GARS1: variants seen among roughly 807,000 people sequenced by gnomAD.
GARS1 encodes glycyl-tRNA synthetase 1.
Under a neutral mutation model 86.4 loss-of-function variants are expected in GARS1, and 46 were observed. That is an observed-to-expected ratio of 0.53 (90% confidence interval 0.42 to 0.68). The LOEUF is 0.68. GARS1 is among the 30% of genes least tolerant of loss of function. The pLI, the probability that GARS1 is intolerant of heterozygous loss-of-function variation, is 0.00. For missense variants in GARS1, 797 were observed against 915.6 expected (o/e 0.87, Z 1.67); for synonymous variants, 342 against 329.8 (o/e 1.04, Z -0.40).
In GARS1 at chr7:30,615,926, T is replaced by C. The variant is rs11553502; in HGVS notation, c.1062T>C (p.Phe354=). 0.031 allele frequency: 50,249 copies of C among 1,614,144 alleles called. 913 individuals are homozygous for C. Among genetic ancestry groups the C allele is most frequent in the African/African-American group, 0.071 (5,318 of 75,018 alleles). ...TCACAATGGCAGAAATTGAGCACTT[T>C]GTAGATCCCAGTGAGAAAGACCACC... ...REFTMAEIEH[F]VDPSEKDHPK... The change falls in exon 9 of 17, where the codon TTT becomes TTC. Residue 354 remains phenylalanine, a synonymous_variant. Coordinates refer to ENST00000389266, the MANE Select transcript of GARS1 (RefSeq NM_002047.4).
chr7:30,628,539 G>T lies in GARS1; in HGVS notation c.1700-21G>T. 3 of 1,513,274 alleles carry T rather than the reference G, an allele frequency of 2.0e-6. No homozygotes were observed. The South Asian group carries it at 3.4e-5, about 17-fold the overall frequency. 93.7% of individuals were successfully genotyped at this position (1,513,274 alleles called of 1,614,324 possible). Reference sequence around the variant, plus strand: ...ATGTGGTATTTGAGAGAATGTTATTGAATTTCTATCTCTTTTTCAGTGGAA... The same window carrying T: ...ATGTGGTATTTGAGAGAATGTTATTTAATTTCTATCTCTTTTTCAGTGGAA... On this transcript the variant is annotated intron_variant, in intron 13 of 16. Coordinates refer to ENST00000389266, the MANE Select transcript of GARS1 (RefSeq NM_002047.4).
chr7:30,598,948 A>T (rs377155080), intron 2 of GARS1, 51 bp downstream of exon 2: 45 of 1,409,134 alleles, frequency 3.2e-5, no homozygotes, highest in Non-Finnish European at 4.5e-5. Context: ...AGGATTGTTC[A>T]TCTTTAATTT....
At chr7:30,594,877 C>T (rs903029869), upstream of GARS1, 82 of 1,480,052 alleles carry the variant, frequency 5.5e-5, no homozygotes, top group Non-Finnish European at 6.8e-5. Context: ...CGGCGCGCGC[C>T]GCTTCCGTCG....
At chr7:30,618,463 G>A (rs1264254506) in intron 10 of GARS1, among the ~76,000 whole-genome samples, 2 of 152,068 alleles carry the variant, frequency 1.3e-5, no homozygotes, top group Non-Finnish European at 2.9e-5. Flanking sequence ...GCAAGACCCT[G>A]TCTCTACAAA....
At chr7:30,612,579 T>TG (rs1782785312) in intron 8 of GARS1, among the ~76,000 whole-genome samples, 1 of 124,524 alleles carries the variant, frequency 8.0e-6, no homozygotes, top group African/African-American at 3.0e-5. Context: ...ATACTGGCAA[T>TG]GGTGATGTGT....
intron 10 of GARS1, among the ~76,000 whole-genome samples, chr7:30,619,359 G>A (rs1782951681): frequency 6.6e-6 from 1 of 152,184 alleles, no homozygotes; most frequent in African/African-American, 2.4e-5. Flanking sequence ...CTCCCTTAGA[G>A]AGTTTAATAC....
In GARS1 at chr7:30,615,319, G is replaced by A. The variant is rs143565794; in HGVS notation, c.1032-577G>A. Among the ~76,000 whole-genome samples, 85 of 152,216 alleles carry A rather than the reference G, an allele frequency of 5.6e-4. 1 individual carries two copies. Among genetic ancestry groups the A allele is most frequent in the African/African-American group, 2.0e-3 (82 of 41,550 alleles). ...GAAAGCTAAAGAACCATTTCATTTC[G>A]CTTTTAATTTCCCATTCTTTGAAAT... On this transcript the variant is annotated intron_variant, in intron 8 of 16. Transcript: ENST00000389266.
At position 30,621,621 on chromosome 7, in the gene GARS1, G is replaced by A. The variant is rs146685777; in HGVS notation, c.1467+121G>A. On this transcript the variant is annotated intron_variant, in intron 11 of 16. Coordinates refer to ENST00000389266, the MANE Select transcript of GARS1 (RefSeq NM_002047.4). ...GAGATGTTTTAGACACTGTAGTAAC[G>A]CTTGTTTAAACCTATTATTTTACCT... The A allele has an allele frequency of 9.8e-3, 7,910 of 804,738 alleles. 64 individuals are homozygous for A. Among genetic ancestry groups the A allele is most frequent in the Non-Finnish European group, 0.012 (5,614 of 453,692 alleles). The allele number at this position is 804,738 out of a possible 1,614,324, so 49.8% of individuals were successfully genotyped here.
At chr7:30,609,854 A>G (rs1441942143) in intron 7 of GARS1, 124 bp downstream of exon 7, 1 of 765,460 alleles carries the variant, frequency 1.3e-6, no homozygotes, top group Non-Finnish European at 2.2e-6. Flanking sequence ...AGTACAGATG[A>G]ATGTATTATG....
At chr7:30,608,525 C>T (rs1201729491) in intron 6 of GARS1, among the ~76,000 whole-genome samples, 2 of 152,136 alleles carry the variant, frequency 1.3e-5, no homozygotes, top group African/African-American at 4.8e-5. Flanking sequence ...CCTAGAAATT[C>T]TGTAGAAATA....
intron 10 of GARS1, among the ~76,000 whole-genome samples, chr7:30,620,159 A>G (rs1163223990): frequency 6.6e-6 from 1 of 152,052 alleles, no homozygotes; most frequent in Non-Finnish European, 1.5e-5. Context: ...CTTGAGAAGG[A>G]CTAACTAGGT....
chr7:30,600,294 A>G (rs1245643082), intron 3 of GARS1, among the ~76,000 whole-genome samples: 1 of 152,140 alleles, frequency 6.6e-6, no homozygotes, highest in Non-Finnish European at 1.5e-5. Flanking sequence ...AGGCCCATGT[A>G]TGTATTTGAT....
At chr7:30,599,916 A>G (rs771664712) in intron 2 of GARS1, 31 bp from the exon 3 acceptor site, 2 of 1,287,096 alleles carry the variant, frequency 1.6e-6, no homozygotes, top group Non-Finnish European at 2.3e-6. Context: ...CCACCCCTCC[A>G]CTCACTCACT....
At position 30,626,334 on chromosome 7, in the gene GARS1, A is replaced by G. The variant is rs1433616752; in HGVS notation, c.1699+15A>G. 4 of 1,454,320 alleles carry G rather than the reference A, an allele frequency of 2.8e-6. No homozygotes were observed. In the South Asian group the frequency reaches 4.6e-5, roughly 17 times the overall value. 90.1% of individuals were successfully genotyped at this position (1,454,320 alleles called of 1,614,324 possible). A position where few individuals can be genotyped will look rare whatever the true frequency, so the allele number is the denominator to read the frequency against. On this transcript the variant is annotated intron_variant, in intron 13 of 16. Transcript: ENST00000389266. ...AACACTATATGGTAAATTTGTAAAAATAATAAACAAAAAGTCACTGCTCCT... is the reference window on the plus strand; with the variant it reads ...AACACTATATGGTAAATTTGTAAAAGTAATAAACAAAAAGTCACTGCTCCT...
intron 9 of GARS1, 69 bp from the exon 10 acceptor site, chr7:30,617,045 T>A (rs1307957086): frequency 6.6e-7 from 1 of 1,507,720 alleles, no homozygotes; most frequent in East Asian, 2.3e-5. Context: ...GAAACCGATA[T>A]CTTGGCTTTG....
At chr7:30,622,176 GC>G in intron 11 of GARS1, 140 bp from the exon 12 acceptor site, 1 of 935,526 alleles carries the variant, frequency 1.1e-6, no homozygotes, top group Non-Finnish European at 1.7e-6. Flanking sequence ...GTTTCATCTT[GC>G]CTTAAAATCA....
Position 30,617,233 on chromosome 7 carries a change from C to T in GARS1, c.1314C>T (p.Ala438=). Residue 438 remains alanine (A), a synonymous_variant, in exon 10 of 17, where the codon GCC becomes GCT. Transcript: ENST00000389266. The part of the protein sequence containing the change: ...RFRQHMENEM[A]HYACDCWDAE... ...GGCAGCACATGGAGAATGAGATGGC[C>T]CATTATGCCTGTGACTGTTGGGATG... 1 of 1,613,882 alleles carries T rather than the reference C, an allele frequency of 6.2e-7. No individual in the cohort carries two copies. The highest frequency in any genetic ancestry group is 8.5e-7 in the Non-Finnish European group (1 of 1,179,868).
Position 30,599,958 on chromosome 7 carries a change from A to G in GARS1, c.336A>G (p.Leu112=). ...TTAATCTCTAACAGGAGCTGGCGTT[A>G]CAGCCCAAAGATGATATTGTAGACC... The part of the protein sequence containing the change: ...KRVLEAKELA[L]QPKDDIVDRA... Residue 112 remains leucine, a synonymous_variant, in exon 3 of 17, where the codon TTA becomes TTG. Transcript: ENST00000389266. 1 of 1,612,312 alleles carries G rather than the reference A, an allele frequency of 6.2e-7. No homozygotes were observed. The highest frequency in any genetic ancestry group is 1.1e-5 in the South Asian group (1 of 91,018).
rs764698848 is a variant in GARS1, at chr7:30,594,964, G to A, written c.43G>A (p.Ala15Thr). 13 of 1,595,580 alleles carry A rather than the reference G, an allele frequency of 8.1e-6. No individual in the cohort carries two copies. In the Admixed American group the frequency reaches 2.0e-4, roughly 25 times the overall value. The stretch of plus-strand genomic sequence containing the variant: ...AGTGCTGCTTAGAGGTGCTCGCGCC[G>A]CTCTGCTGCTGCTGCTGCCGCCCCG... ...RPVLLRGARA[A>T]LLLLLPPRLL... Residue 15 changes from alanine to threonine, a missense_variant, in exon 1 of 17, where the codon GCT becomes ACT. By Grantham distance (58) the Ala-to-Thr change is moderately conservative. Around this residue, in one of 2 missense-constraint regions of GARS1, gnomAD observed 199 missense variants for 176.9 expected, o/e 1.12. Coordinates refer to ENST00000389266, the MANE Select transcript of GARS1 (RefSeq NM_002047.4).
Sources: allele counts gnomAD v4.1 joint callset (sites outside exome capture counted in the v4.1 genomes callset), GRCh38; gene constraint gnomAD v4.1.1; regional missense constraint gnomAD v4.1.1; transcripts MANE v1.5; gene names NCBI Gene and HGNC (gene_info 2026-07-23, HGNC 2026-07-21).